Variants in DNAH10 observed in about 807,000 individuals in gnomAD.
DNAH10 encodes dynein axonemal heavy chain 10.
In DNAH10, 348 loss-of-function variants were observed where a neutral mutation model predicts 506.6. That is an observed-to-expected ratio of 0.69 (90% CI 0.63 to 0.75). The LOEUF (loss-of-function observed/expected upper bound fraction) is 0.75, where lower values mean the gene tolerates loss of function less well. Ranked by LOEUF, DNAH10 falls within the 30% of genes least tolerant of loss-of-function variation. The probability of loss-of-function intolerance (pLI) is 0.00; values close to 1 mark genes in which losing one functional copy is unlikely to be tolerated. For missense variants in DNAH10, 5,179 were observed against 5,787.1 expected (o/e 0.89, Z 3.41); for synonymous variants, 2,059 against 2,198.6 (o/e 0.94, Z 1.78).
At chr12:123,833,004 G>T (rs1960736020) in intron 26 of DNAH10, 110 bp from the exon 27 acceptor site, 2 of 749,766 alleles carry the variant, frequency 2.7e-6, no homozygotes. Context: ...ACAGACCCAG[G>T]ACTCCGATTG....
intron 25 of DNAH10, among the ~76,000 whole-genome samples, chr12:123,829,860 A>G (rs1960357139): frequency 1.3e-5 from 2 of 152,202 alleles, no homozygotes; most frequent in African/African-American, 4.8e-5. Context: ...GCAAATTCAC[A>G]GGCCAAATGC....
chr12:123,929,783 C>T (rs143750560), intron 72 of DNAH10, 24 bp downstream of exon 72: 828 of 1,595,478 alleles, frequency 5.2e-4, no homozygotes, highest in Non-Finnish European at 6.3e-4. Context: ...GGGATCCTTC[C>T]GCAGGTGCCT....
At chr12:123,783,334 G>A in intron 7 of DNAH10, 70 bp downstream of exon 7, 1 of 1,567,132 alleles carries the variant, frequency 6.4e-7, no homozygotes, top group Non-Finnish European at 8.7e-7. Flanking sequence ...AGAGCCCGGA[G>A]TCTGGGGTCT....
chr12:123,796,249 G>C (rs1958273220), intron 12 of DNAH10, among the ~76,000 whole-genome samples: 1 of 152,152 alleles, frequency 6.6e-6, no homozygotes, highest in African/African-American at 2.4e-5. Flanking sequence ...CTGAGGTCAG[G>C]AGTTTGATAC....
In DNAH10 at chr12:123,881,727, G is replaced by A. The variant is rs1026122350; in HGVS notation, c.8737G>A (p.Asp2913Asn). 7 of 1,548,590 alleles carry A rather than the reference G, an allele frequency of 4.5e-6. No homozygotes were observed. The highest frequency in any genetic ancestry group is 6.1e-6 in the Non-Finnish European group (7 of 1,145,946). ...LTRVHRIIRM[D>N]RGHALLVGVG... is the part of the protein sequence containing the mutation. ...CCGGGTGCACCGTATCATCCGCATG[G>A]ACCGCGGCCACGCCCTGCTGGTCGG... The change falls in exon 51 of 79, where the codon GAC (aspartate) becomes AAC (asparagine). Residue 2913 changes from aspartate (D) to asparagine (N), a missense_variant. Around this residue, in one of 3 missense-constraint regions of DNAH10, gnomAD observed 4,844 missense variants for 5,430.5 expected, o/e 0.89. Transcript: ENST00000673944.
At chr12:123,764,126 G>C (rs990109952) in intron 1 of DNAH10, among the ~76,000 whole-genome samples, 5 of 151,956 alleles carry the variant, frequency 3.3e-5, no homozygotes, top group African/African-American at 1.2e-4. Context: ...TCGGCCTCCC[G>C]AAGTGCTGGG....
chr12:123,814,407 G>C (rs1959064505), intron 21 of DNAH10: 1 of 152,656 alleles, frequency 6.6e-6, no homozygotes, highest in South Asian at 2.1e-4. Flanking sequence ...GATGATGAAA[G>C]AAAGTCAAGT....
chr12:123,809,951 C>A (rs1268130577), intron 19 of DNAH10, among the ~76,000 whole-genome samples: 1 of 152,158 alleles, frequency 6.6e-6, no homozygotes, highest in Non-Finnish European at 1.5e-5. Flanking sequence ...CTCCCCTGAC[C>A]TTCTTGTCCT....
chr12:123,880,835 G>A (rs1952478894), intron 50 of DNAH10, among the ~76,000 whole-genome samples: 1 of 124,272 alleles, frequency 8.0e-6, no homozygotes, highest in Admixed American at 1.1e-4. Context: ...GGTGTGTGAT[G>A]TTCCCCTTCC....
Position 123,813,337 on chromosome 12 carries a change from G to A in DNAH10, c.3318G>A (p.Lys1106=), listed in dbSNP as rs776309444. The change falls in exon 20 of 79, where the codon AAG becomes AAA. Residue 1106 remains lysine (K), a synonymous_variant. Transcript: ENST00000673944. The part of the protein sequence containing the change: ...NVHRILINLM[K]YLQKWKRYRP... The stretch of plus-strand genomic sequence containing the variant: ...ACAGGATTCTGATCAATCTTATGAA[G>A]TATCTACAAAAATGGAAGCGGTATC... 13 of 1,614,080 alleles carry A rather than the reference G, an allele frequency of 8.1e-6. No individual in the cohort carries two copies. The South Asian group carries it at 1.1e-4, about 14-fold the overall frequency.
At chr12:123,867,625 G>A (rs764291392) in intron 42 of DNAH10, 24 bp downstream of exon 42, 1 of 1,610,320 alleles carries the variant, frequency 6.2e-7, no homozygotes, top group East Asian at 2.2e-5. Context: ...CCTGCTGTTA[G>A]CAAAAAGAAA....
At chr12:123,800,951 A>G (rs1958460883) in intron 15 of DNAH10, among the ~76,000 whole-genome samples, 1 of 152,080 alleles carries the variant, frequency 6.6e-6, no homozygotes, top group South Asian at 2.1e-4. Flanking sequence ...TGGCAGGCAG[A>G]GGTTGCAGTG....
Position 123,929,733 on chromosome 12 carries a change from G to A in DNAH10, c.12586G>A (p.Gly4196Ser), listed in dbSNP as rs373148559. ...FQQRDPRIPW[G>S]SLKYLIGEVM... ...GCAACGGGACCCAAGGATCCCGTGG[G>A]GCAGCCTCAAGTACCTAATTGGAGA... Residue 4196 changes from glycine (G) to serine (S), a missense_variant, in exon 72 of 79, where the codon GGC becomes AGC. Gly to Ser is a moderately conservative substitution (Grantham distance 56, BLOSUM62 0). This residue lies in a region of DNAH10 where 4,844 missense variants were observed against 5,430.5 expected (regional missense o/e 0.89). Transcript: ENST00000673944. 10 of 1,613,000 alleles carry A rather than the reference G, an allele frequency of 6.2e-6. No individual in the cohort carries two copies. Among genetic ancestry groups the A allele is most frequent in the African/African-American group, 4.0e-5 (3 of 74,920 alleles).
intron 10 of DNAH10, among the ~76,000 whole-genome samples, chr12:123,788,864 G>A (rs1288605155): frequency 8.5e-5 from 1 of 11,782 alleles, no homozygotes; most frequent in African/African-American, 7.6e-4. Flanking sequence ...AGGTTGAGGC[G>A]CAGTGAGCCG....
intron 52 of DNAH10, among the ~76,000 whole-genome samples, chr12:123,890,616 T>G (rs1353249834): frequency 6.6e-6 from 1 of 152,026 alleles, no homozygotes; most frequent in South Asian, 2.1e-4. Context: ...ATCCCTCCAG[T>G]GCGCCGTGGG....
At chr12:123,793,617 T>C (rs150198876) in intron 11 of DNAH10, among the ~76,000 whole-genome samples, 53 of 152,278 alleles carry the variant, frequency 3.5e-4, no homozygotes, top group African/African-American at 1.1e-3. Context: ...GGATTACAGG[T>C]GTGAGGCACT....
intron 58 of DNAH10, among the ~76,000 whole-genome samples, chr12:123,910,313 C>T (rs1046304398): frequency 7.9e-5 from 12 of 152,178 alleles, no homozygotes; most frequent in African/African-American, 2.9e-4. Context: ...GTGACACCTG[C>T]GTCCTGGGTG....
rs980363498 is a variant in DNAH10 at position 123,919,751 on chromosome 12, G to A, written c.11506+802G>A. 4.6e-5 allele frequency among the ~76,000 whole-genome samples: 7 copies of A among 152,172 alleles called. No homozygotes were observed. The highest frequency in any genetic ancestry group is 2.1e-4 in the South Asian group (1 of 4,834). ...TGACTGGTATCTTTCACTCCACTCCGTGACCTCACGGTTCATCCGTGTTGC... is the reference window on the plus strand; with the variant it reads ...TGACTGGTATCTTTCACTCCACTCCATGACCTCACGGTTCATCCGTGTTGC... On this transcript the variant is annotated intron_variant, in intron 65 of 78. Coordinates refer to ENST00000673944, the MANE Select transcript of DNAH10 (RefSeq NM_001372106.1). The surrounding 1 kb of genome is among the most constrained non-coding windows in gnomAD (Gnocchi z 4.9).
chr12:123,918,914 C>G lies in DNAH10; in HGVS notation c.11471C>G (p.Thr3824Arg). ...AAACGCCTGAGGAACATCATGGACA[C>G]GCTGACCTTCAGCATCTATAACCAC... ...LMKRLRNIMD[T>R]LTFSIYNHGC... The change falls in exon 65 of 79, where the codon ACG becomes AGG. Residue 3824 changes from threonine to arginine, a missense_variant. By Grantham distance (71) the Thr-to-Arg change is moderately conservative (BLOSUM62 -1). Transcript: ENST00000673944. 6.2e-7 allele frequency: 1 copy of G among 1,613,572 alleles called. No individual in the cohort carries two copies. The highest frequency in any genetic ancestry group is 8.5e-7 in the Non-Finnish European group (1 of 1,179,738).
Sources: allele counts gnomAD v4.1 joint callset (sites outside exome capture counted in the v4.1 genomes callset), GRCh38; gene constraint gnomAD v4.1.1; regional missense constraint gnomAD v4.1.1; non-coding constraint Gnocchi (gnomAD v3.1); transcripts MANE v1.5; gene names NCBI Gene and HGNC (gene_info 2026-07-23, HGNC 2026-07-21).